RBFOX3: variants seen among roughly 807,000 people sequenced by gnomAD.
RBFOX3 encodes the protein RNA binding fox-1 homolog 3.
RBFOX3 carries 17 observed loss-of-function variants against 48.7 expected under a neutral mutation model. The ratio of observed to expected loss-of-function variants is 0.35; its 90% CI spans 0.24 to 0.52. The LOEUF (loss-of-function observed/expected upper bound fraction) is 0.52. RBFOX3 is among the 20% of genes least tolerant of loss of function. The pLI is 0.94. For synonymous variants in RBFOX3, 212 were observed against 209.5 expected (o/e 1.01, Z -0.10); for missense variants, 382 against 497.5 (o/e 0.77, Z 2.21).
At chr17:79,554,237 G>A (rs1297222299) in intron 1 of RBFOX3, among the ~76,000 whole-genome samples, 1 of 152,024 alleles carries the variant, frequency 6.6e-6, no homozygotes, top group Non-Finnish European at 1.5e-5. Context: ...GCTTAACTGA[G>A]TTACTTTTGT....
At chr17:79,132,360 C>T (rs980784419) in intron 4 of RBFOX3, among the ~76,000 whole-genome samples, 5 of 152,198 alleles carry the variant, frequency 3.3e-5, no homozygotes, top group African/African-American at 1.2e-4. Context: ...CCAATCACTG[C>T]CCCGGATGAG....
Position 79,238,634 on chromosome 17 carries a change from C to T in RBFOX3, c.-73-2829G>A, listed in dbSNP as rs1164171491. Among the ~76,000 whole-genome samples the T allele has an allele frequency of 2.0e-5, 3 of 152,350 alleles. No homozygotes were observed. The East Asian group carries it at 5.8e-4, about 29-fold the overall frequency. On this transcript the variant is annotated intron_variant, in intron 3 of 14. Transcript: ENST00000693108. ...GGAGCTGGCAGAGTAGCCTGTTCAC[C>T]CCACCCCATCCAACCCAGCTTCTCT...
rs112518012 is a variant in RBFOX3, at chr17:79,398,814, G to A, written c.-175+83640C>T. Among the ~76,000 whole-genome samples, 629 of 152,224 alleles carry A rather than the reference G, an allele frequency of 4.1e-3. 7 individuals carry two copies. Among genetic ancestry groups the A allele is most frequent in the African/African-American group, 0.015 (607 of 41,528 alleles). On this transcript the variant is annotated intron_variant, in intron 2 of 14. Transcript: ENST00000693108. ...CACTTTTCACCTGGGGACTCACTTC[G>A]CCCACCCAACACACACAGTGCACAG...
At chr17:79,310,395 G>A (rs1229214753) in intron 2 of RBFOX3, among the ~76,000 whole-genome samples, 4 of 152,074 alleles carry the variant, frequency 2.6e-5, no homozygotes, top group Non-Finnish European at 5.9e-5. Flanking sequence ...CCAGACCAGG[G>A]CGAGACCTCC....
At chr17:79,232,044 A>G (rs2061098054) in intron 4 of RBFOX3, among the ~76,000 whole-genome samples, 1 of 152,338 alleles carries the variant, frequency 6.6e-6, no homozygotes, top group Non-Finnish European at 1.5e-5. Context: ...GCAGGGAAAT[A>G]CCAGACGCTT....
intron 1 of RBFOX3, among the ~76,000 whole-genome samples, chr17:79,595,948 G>T (rs978943804): frequency 6.6e-6 from 1 of 152,198 alleles, no homozygotes; most frequent in African/African-American, 2.4e-5. Context: ...CCCTGTGGAC[G>T]GGGTACATTA....
intron 4 of RBFOX3, among the ~76,000 whole-genome samples, chr17:79,150,414 C>T (rs7503157): frequency 0.64 from 97,789 of 151,906 alleles, 31,848 homozygotes; most frequent in Non-Finnish European, 0.69. Context: ...AACTCAGCTC[C>T]ATCCGCAACC....
At chr17:79,272,483 G>C (rs1202625654) in intron 3 of RBFOX3, among the ~76,000 whole-genome samples, 1 of 152,188 alleles carries the variant, frequency 6.6e-6, no homozygotes, top group Non-Finnish European at 1.5e-5. Context: ...CCTCTTCTCA[G>C]TGTTACACAG....
At chr17:79,532,828 C>CGTGT (rs3075254) in intron 1 of RBFOX3, among the ~76,000 whole-genome samples, 18 of 151,946 alleles carry the variant, frequency 1.2e-4, no homozygotes, top group African/African-American at 4.4e-4. Context: ...CTATTGAACA[C>CGTGT]GTGTGTGTGT....
chr17:79,123,146 G>A (rs7212550), intron 4 of RBFOX3, among the ~76,000 whole-genome samples: 103,473 of 151,944 alleles, frequency 0.68, 35,538 homozygotes, highest in East Asian at 0.84. Flanking sequence ...ACTATTTGAT[G>A]GTATAACAGG....
At chr17:79,303,926 C>G (rs1365833229) in intron 3 of RBFOX3, among the ~76,000 whole-genome samples, 1 of 151,756 alleles carries the variant, frequency 6.6e-6, no homozygotes. Context: ...CTGGGAAAGA[C>G]CTCCATGAGG....
rs138778562 is a variant in RBFOX3 at position 79,322,328 on chromosome 17, G to A, written c.-174-14504C>T. Among the ~76,000 whole-genome samples the A allele has an allele frequency of 3.3e-5, 5 of 152,286 alleles. No individual in the cohort carries two copies. In the South Asian group the frequency reaches 6.2e-4, roughly 19 times the overall value. On this transcript the variant is annotated intron_variant, in intron 2 of 14. Transcript: ENST00000693108. ...GGTGTTCAGCGGAGGCTGGGGCTAC[G>A]CACTCCGAACTGGAATGCTGATGGG...
the RBFOX3 span, among the ~76,000 whole-genome samples, chr17:79,616,608 CGT>C: frequency 5.3e-5 from 8 of 150,774 alleles, no homozygotes; most frequent in Non-Finnish European, 3.0e-5. Flanking sequence ...CACACACACA[CGT>C]GTTACTACTT....
At chr17:79,621,447 T>C in the RBFOX3 span, among the ~76,000 whole-genome samples, 8 of 152,212 alleles carry the variant, frequency 5.3e-5, no homozygotes, top group Non-Finnish European at 1.2e-4. Context: ...AATCTACACA[T>C]TTTCAAGGTG....
intron 1 of RBFOX3, among the ~76,000 whole-genome samples, chr17:79,580,925 G>A (rs915356343): frequency 6.6e-5 from 10 of 152,168 alleles, no homozygotes; most frequent in African/African-American, 2.4e-4. Context: ...CTGTCTCAAT[G>A]ACACTAACCC....
intron 1 of RBFOX3, among the ~76,000 whole-genome samples, chr17:79,499,350 CTATA>C (rs1247422210): frequency 8.6e-5 from 13 of 150,966 alleles, no homozygotes; most frequent in Admixed American, 1.3e-4. Context: ...TTCCATCCAT[CTATA>C]TATTCATCCA....
intron 1 of RBFOX3, among the ~76,000 whole-genome samples, chr17:79,500,243 G>T (rs897603772): frequency 1.4e-5 from 2 of 143,958 alleles, no homozygotes; most frequent in African/African-American, 5.1e-5. Flanking sequence ...ACCATAAAGA[G>T]AAATGACTTT....
At chr17:79,422,499 C>T (rs1430463423) in intron 2 of RBFOX3, among the ~76,000 whole-genome samples, 2 of 152,244 alleles carry the variant, frequency 1.3e-5, no homozygotes, top group East Asian at 3.9e-4. Flanking sequence ...CTTCCCGGCC[C>T]AGGCTGCCTC....
At chr17:79,139,068 CCACA>C (rs1176404281) in intron 4 of RBFOX3, among the ~76,000 whole-genome samples, 5 of 150,940 alleles carry the variant, frequency 3.3e-5, no homozygotes, top group Non-Finnish European at 7.4e-5. Context: ...CACCCCTCAC[CCACA>C]CACACATGCA....
Sources: allele counts gnomAD v4.1 joint callset (sites outside exome capture counted in the v4.1 genomes callset), GRCh38; gene constraint gnomAD v4.1.1; transcripts MANE v1.5; gene names NCBI Gene and HGNC (gene_info 2026-07-23, HGNC 2026-07-21).